Variants in ANK3 observed in about 807,000 individuals in gnomAD.
The protein encoded by ANK3 is ankyrin 3.
ANK3 carries 57 observed loss-of-function variants against 370.9 expected under a neutral mutation model. That is an observed-to-expected ratio of 0.15 (90% CI 0.12 to 0.19). ANK3 has a LOEUF of 0.19. Ranked by LOEUF, ANK3 falls within the 10% of genes least tolerant of loss-of-function variation. The pLI is 1.00. For synonymous variants in ANK3, 1,929 were observed against 1,946.3 expected (o/e 0.99, Z 0.23); for missense variants, 4,439 against 5,302.1 (o/e 0.84, Z 5.06).
At chr10:60,484,504 C>T (rs1330159807) in intron 2 of ANK3, among the ~76,000 whole-genome samples, 1 of 152,122 alleles carries the variant, frequency 6.6e-6, no homozygotes, top group South Asian at 2.1e-4. Context: ...ATGAGTTGGT[C>T]ATTAAGCTGG....
intron 2 of ANK3, among the ~76,000 whole-genome samples, chr10:60,409,403 A>G (rs2063515376): frequency 6.6e-6 from 1 of 152,224 alleles, no homozygotes; most frequent in African/African-American, 2.4e-5. Context: ...GGAGAATATC[A>G]GTCTATGTGG....
chr10:60,581,655 G>A (rs1216984701), intron 2 of ANK3, among the ~76,000 whole-genome samples: 1 of 151,664 alleles, frequency 6.6e-6, no homozygotes, highest in Non-Finnish European at 1.5e-5. Flanking sequence ...GGCCATGCTG[G>A]TCTTGAACTC....
chr10:60,725,233 C>T (rs1440287013), intron 1 of ANK3, among the ~76,000 whole-genome samples: 1 of 152,108 alleles, frequency 6.6e-6, no homozygotes, highest in East Asian at 1.9e-4. Flanking sequence ...TTATCTAATC[C>T]TTTGCTTCTA....
intron 2 of ANK3, among the ~76,000 whole-genome samples, chr10:60,537,066 C>T (rs1043436022): frequency 5.3e-5 from 8 of 151,468 alleles, no homozygotes; most frequent in African/African-American, 1.9e-4. Context: ...AAAAATTGTA[C>T]GGGAAAAAAA....
intron 12 of ANK3, among the ~76,000 whole-genome samples, chr10:60,200,525 A>G (rs964337333): frequency 1.3e-5 from 2 of 152,054 alleles, no homozygotes; most frequent in African/African-American, 4.8e-5. Context: ...GGAGCCAAGC[A>G]GGGGGGTGAG....
intron 1 of ANK3, among the ~76,000 whole-genome samples, chr10:60,320,807 G>A (rs1486363532): frequency 6.6e-6 from 1 of 152,076 alleles, no homozygotes; most frequent in African/African-American, 2.4e-5. Context: ...CAAACAGGGT[G>A]TTCTCAATCT....
intron 2 of ANK3, among the ~76,000 whole-genome samples, chr10:60,514,989 T>C (rs1429028885): frequency 6.6e-6 from 1 of 152,144 alleles, no homozygotes; most frequent in Non-Finnish European, 1.5e-5. Flanking sequence ...TTTTAAAAAA[T>C]ATACTATTGC....
At chr10:60,228,338 A>T (rs989961324) in intron 8 of ANK3, among the ~76,000 whole-genome samples, 3 of 152,074 alleles carry the variant, frequency 2.0e-5, no homozygotes, top group Non-Finnish European at 4.4e-5. Context: ...GTTCGAGACC[A>T]GCCTGGCCAA....
chr10:60,701,725 A>G (rs1420289763), intron 1 of ANK3, among the ~76,000 whole-genome samples: 1 of 152,174 alleles, frequency 6.6e-6, no homozygotes, highest in Non-Finnish European at 1.5e-5. Flanking sequence ...CCCTTCCAAC[A>G]TATCTTTGTA....
chr10:60,717,122 T>G (rs752511427), intron 1 of ANK3, among the ~76,000 whole-genome samples: 25 of 152,214 alleles, frequency 1.6e-4, no homozygotes, highest in Non-Finnish European at 2.9e-4. Flanking sequence ...TAAAGCAATG[T>G]GAGGCTACTT....
At chr10:60,260,312 C>T (rs758211448) in intron 7 of ANK3, among the ~76,000 whole-genome samples, 7 of 152,032 alleles carry the variant, frequency 4.6e-5, no homozygotes, top group Non-Finnish European at 8.8e-5. Context: ...TATTAGTATA[C>T]GTGAGATAAA....
At chr10:60,612,416 T>G (rs2078212868) in intron 2 of ANK3, among the ~76,000 whole-genome samples, 1 of 152,168 alleles carries the variant, frequency 6.6e-6, no homozygotes, top group African/African-American at 2.4e-5. Context: ...ACTTTTAAGT[T>G]GGGGATAAAA....
At chr10:60,084,961 A>G (rs2132016696) in intron 31 of ANK3, 131 bp from the exon 32 acceptor site, 1 of 772,764 alleles carries the variant, frequency 1.3e-6, no homozygotes, top group East Asian at 2.8e-5. Flanking sequence ...GTTCATTTAA[A>G]CAGCAAAGAT....
intron 23 of ANK3, among the ~76,000 whole-genome samples, chr10:60,145,519 A>C (rs936287436): frequency 6.6e-6 from 1 of 152,206 alleles, no homozygotes; most frequent in Non-Finnish European, 1.5e-5. Flanking sequence ...ACTAATATTT[A>C]TTGAGCATTT....
At chr10:60,140,503 AT>A in intron 23 of ANK3, 1 of 1,542,846 alleles carries the variant, frequency 6.5e-7, no homozygotes, top group Non-Finnish European at 8.7e-7. Flanking sequence ...CCACCGCTGA[AT>A]TCCTCTCAGC....
intron 8 of ANK3, among the ~76,000 whole-genome samples, chr10:60,215,662 T>C (rs2096925719): frequency 6.6e-6 from 1 of 152,142 alleles, no homozygotes; most frequent in Non-Finnish European, 1.5e-5. Flanking sequence ...GAAGATCAGA[T>C]GATTGCAGAT....
intron 1 of ANK3, among the ~76,000 whole-genome samples, chr10:60,722,797 C>T (rs2079882882): frequency 1.3e-5 from 2 of 152,142 alleles, no homozygotes; most frequent in African/African-American, 4.8e-5. Context: ...GAGTTTGGGA[C>T]TTTCCCCTTC....
At chr10:60,682,518 C>T (rs955991246) in intron 1 of ANK3, among the ~76,000 whole-genome samples, 6 of 152,154 alleles carry the variant, frequency 3.9e-5, no homozygotes, top group East Asian at 1.9e-4. Flanking sequence ...TGTGTTAGGC[C>T]GCAGGCACAG....
intron 2 of ANK3, among the ~76,000 whole-genome samples, chr10:60,565,793 C>A (rs942214767): frequency 6.6e-6 from 1 of 152,198 alleles, no homozygotes; most frequent in African/African-American, 2.4e-5. Flanking sequence ...TTCATGACTT[C>A]ATCCTCCAAA....
Sources: gnomAD v4.1 joint callset for allele counts (sites outside exome capture counted in the v4.1 genomes callset) on GRCh38, gnomAD v4.1.1 for gene constraint, MANE v1.5 for transcripts, NCBI Gene and HGNC (gene_info 2026-07-23, HGNC 2026-07-21) for gene names.